RASGRP3: variants seen among roughly 807,000 people sequenced by gnomAD.
The protein encoded by RASGRP3 is RAS guanyl releasing protein 3.
A neutral mutation model predicts 82.7 loss-of-function variants in RASGRP3; 54 were observed. The observed-to-expected ratio is 0.65, with a 90% CI of 0.52 to 0.82. The LOEUF (loss-of-function observed/expected upper bound fraction) is 0.82. RASGRP3 is among the 40% of genes least tolerant of loss of function. The pLI is 0.00. For synonymous variants in RASGRP3, 309 were observed against 300.5 expected (o/e 1.03, Z -0.29); for missense variants, 861 against 828.9 (o/e 1.04, Z -0.48).
rs554695603 is a variant in RASGRP3 at position 33,463,880 on chromosome 2, A to C, written c.-261+15937A>C. Among the ~76,000 whole-genome samples, 122 of 151,744 alleles carry C rather than the reference A, an allele frequency of 8.0e-4. 3 individuals are homozygous for C. The East Asian group carries it at 0.022, about 28-fold the overall frequency. The stretch of plus-strand genomic sequence containing the variant: ...CTCCCGAAGTGCTGGGATTATAGGC[A>C]TGAGCCACCGTGCCCAGCCCTTTCA... On this transcript the variant is annotated intron_variant, in intron 2 of 18. Coordinates refer to the RASGRP3 transcript ENST00000402538.
chr2:33,557,000 TG>T (rs1174900923), intron 15 of RASGRP3, among the ~76,000 whole-genome samples: 2 of 145,766 alleles, frequency 1.4e-5, no homozygotes, highest in East Asian at 2.0e-4. Context: ...GCACATAAAG[TG>T]AAAAAAAAAA....
At chr2:33,436,625 G>T (rs1283839453) in intron 1 of RASGRP3, 1 of 152,158 alleles carries the variant, frequency 6.6e-6, no homozygotes, top group Non-Finnish European at 1.5e-5. Context: ...CTGTTGTTGC[G>T]TCTTAATGCA....
intron 1 of RASGRP3, chr2:33,482,758 A>G (rs944755627): frequency 6.6e-6 from 1 of 152,236 alleles, no homozygotes; most frequent in East Asian, 1.9e-4. Context: ...ATAGCAGTGC[A>G]TGTTGCCTGA....
chr2:33,564,358 A>G lies in RASGRP3; in HGVS notation c.*1621A>G, dbSNP rs1271462581. On this transcript the variant is annotated 3_prime_UTR_variant, in exon 18 of 18. Transcript: ENST00000403687. ...GTTATCAGTTGGAGGAGCTGTGATTAAGCTGGATAATAAGAGAACGTGCCA... is the reference window on the plus strand; with the variant it reads ...GTTATCAGTTGGAGGAGCTGTGATTGAGCTGGATAATAAGAGAACGTGCCA... 2 of 152,234 alleles carry G rather than the reference A, an allele frequency of 1.3e-5. No homozygotes were observed. Among genetic ancestry groups the G allele is most frequent in the Admixed American group, 1.3e-4 (2 of 15,290 alleles). 9.4% of individuals were successfully genotyped at this position (152,234 alleles called of 1,614,324 possible).
chr2:33,491,033 A>G (rs1010284810), intron 1 of RASGRP3, among the ~76,000 whole-genome samples: 1 of 152,232 alleles, frequency 6.6e-6, no homozygotes, highest in Non-Finnish European at 1.5e-5. Flanking sequence ...GATAACATTT[A>G]GAGCAGGCAC....
intron 2 of RASGRP3, among the ~76,000 whole-genome samples, chr2:33,457,638 A>T (rs1666112434): frequency 6.6e-6 from 1 of 151,950 alleles, no homozygotes; most frequent in African/African-American, 2.4e-5. Flanking sequence ...GGAATGCATT[A>T]TTTGCAACCC....
intron 6 of RASGRP3, among the ~76,000 whole-genome samples, 193 bp from the exon 7 acceptor site, chr2:33,521,762 T>G (rs1322743463): frequency 1.3e-5 from 2 of 152,238 alleles, no homozygotes; most frequent in Non-Finnish European, 2.9e-5. Context: ...CTACCCTGTC[T>G]GGAAAAACAA....
In RASGRP3 at chr2:33,515,343, C is replaced by G. The variant is rs535963940; in HGVS notation, c.70+137C>G. On this transcript the variant is annotated intron_variant, in intron 3 of 17. Transcript: ENST00000403687. ...TAAGGCCTTTCGGATGGACCCGGGT[C>G]TGTCTCTCCAGTTTCACTGCCCTCC... is the stretch of plus-strand genomic sequence containing the variant. 33 of 805,788 alleles carry G rather than the reference C, an allele frequency of 4.1e-5. No individual in the cohort carries two copies. In the African/African-American group the frequency reaches 5.3e-4, roughly 13 times the overall value. The allele number at this position is 805,788 out of a possible 1,614,324, so 49.9% of individuals were successfully genotyped here.
chr2:33,516,321 T>A (rs1488234743), intron 3 of RASGRP3, among the ~76,000 whole-genome samples: 1 of 152,004 alleles, frequency 6.6e-6, no homozygotes, highest in Non-Finnish European at 1.5e-5. Flanking sequence ...AGCAGGAAAA[T>A]GTTTGAACCC....
At chr2:33,530,841 T>C (rs1439233670) in intron 10 of RASGRP3, 2 of 103,340 alleles carry the variant, frequency 1.9e-5, no homozygotes, top group African/African-American at 4.4e-5. Flanking sequence ...CTGTTGGGAT[T>C]TGTATTGTTC....
At chr2:33,439,299 C>T (rs1486963208) in intron 1 of RASGRP3, among the ~76,000 whole-genome samples, 1 of 152,132 alleles carries the variant, frequency 6.6e-6, no homozygotes, top group Non-Finnish European at 1.5e-5. Flanking sequence ...TAATGAGTGC[C>T]ACCTAAGGAA....
chr2:33,510,538 C>A (rs1321852648), intron 1 of RASGRP3, among the ~76,000 whole-genome samples: 1 of 152,158 alleles, frequency 6.6e-6, no homozygotes, highest in Non-Finnish European at 1.5e-5. Flanking sequence ...CTTCGAATAT[C>A]TTTTCTCTTC....
At chr2:33,438,149 G>A (rs539996906) in intron 1 of RASGRP3, among the ~76,000 whole-genome samples, 1 of 152,370 alleles carries the variant, frequency 6.6e-6, no homozygotes, top group African/African-American at 2.4e-5. Flanking sequence ...TGTTTTAACT[G>A]TATGTAAGGT....
intron 1 of RASGRP3, among the ~76,000 whole-genome samples, chr2:33,485,278 T>C (rs771970926): frequency 1.3e-5 from 2 of 152,220 alleles, no homozygotes; most frequent in Non-Finnish European, 2.9e-5. Flanking sequence ...GCAATTGACA[T>C]TATGTCATTG....
At chr2:33,498,729 G>A (rs1168444754) in intron 1 of RASGRP3, among the ~76,000 whole-genome samples, 3 of 151,850 alleles carry the variant, frequency 2.0e-5, no homozygotes, top group Non-Finnish European at 4.4e-5. Flanking sequence ...TGCTTGTGCG[G>A]CTAGGCACAG....
intron 2 of RASGRP3, among the ~76,000 whole-genome samples, chr2:33,451,895 C>G (rs1041622313): frequency 1.3e-5 from 2 of 151,978 alleles, no homozygotes; most frequent in East Asian, 3.9e-4. Context: ...ATCCTATAGG[C>G]TTTTTTCATT....
At chr2:33,520,040 C>T (rs1425536644) in intron 5 of RASGRP3, 26 bp downstream of exon 5, 1 of 1,529,244 alleles carries the variant, frequency 6.5e-7, no homozygotes. Context: ...AATTTAATTT[C>T]TTGTAGTTTC....
intron 1 of RASGRP3, among the ~76,000 whole-genome samples, chr2:33,509,272 C>T (rs1413589468): frequency 6.6e-6 from 1 of 152,008 alleles, no homozygotes; most frequent in African/African-American, 2.4e-5. Flanking sequence ...TGTGGTGGCA[C>T]ATGCTTGTAA....
upstream of RASGRP3, among the ~76,000 whole-genome samples, chr2:33,474,404 G>A (rs12712341): frequency 0.38 from 58,285 of 151,972 alleles, 11,746 homozygotes; most frequent in Non-Finnish European, 0.44. Flanking sequence ...GCAGTGGTGC[G>A]GTCTTGATCT....
Sources: allele counts gnomAD v4.1 joint callset (sites outside exome capture counted in the v4.1 genomes callset), GRCh38; gene constraint gnomAD v4.1.1; transcripts MANE v1.5; gene names NCBI Gene and HGNC (gene_info 2026-07-23, HGNC 2026-07-21).